The following LINGO2 variants were observed in gnomAD, a reference collection of about 807,000 sequenced individuals.
The protein encoded by LINGO2 is leucine rich repeat and Ig domain containing 2.
LINGO2 carries 14 observed loss-of-function variants against 30.6 expected under a neutral mutation model. The observed-to-expected ratio is 0.46, with a 90% CI of 0.30 to 0.72. The LOEUF (loss-of-function observed/expected upper bound fraction) is 0.72, where lower values mean the gene tolerates loss of function less well. LINGO2 is among the 30% of genes least tolerant of loss of function. The pLI, the probability that LINGO2 is intolerant of heterozygous loss-of-function variation, is 0.07. For synonymous variants in LINGO2, 317 were observed against 288.5 expected (o/e 1.10, Z -1.00); for missense variants, 729 against 751.7 (o/e 0.97, Z 0.35).
At chr9:28,890,379 G>T in the LINGO2 span, among the ~76,000 whole-genome samples, 17 of 151,950 alleles carry the variant, frequency 1.1e-4, no homozygotes, top group Non-Finnish European at 2.1e-4. Flanking sequence ...TTCCTAAATG[G>T]GTACACACTT....
chr9:28,985,928 G>C, the LINGO2 span, among the ~76,000 whole-genome samples: 1 of 152,000 alleles, frequency 6.6e-6, no homozygotes, highest in East Asian at 1.9e-4. Context: ...AATAAAAAAA[G>C]TTACTGCCCA....
chr9:28,201,566 A>T (rs1018775372), intron 4 of LINGO2, among the ~76,000 whole-genome samples: 7 of 150,974 alleles, frequency 4.6e-5, no homozygotes, highest in African/African-American at 1.5e-4. Context: ...TATAGCAGCA[A>T]GATTTATAGT....
At chr9:28,990,498 A>G in the LINGO2 span, among the ~76,000 whole-genome samples, 9 of 152,312 alleles carry the variant, frequency 5.9e-5, no homozygotes, top group South Asian at 1.9e-3. Context: ...CTTTGAAGAG[A>G]GCAGTGGTTC....
chr9:29,053,541 C>A, the LINGO2 span, among the ~76,000 whole-genome samples: 1 of 151,820 alleles, frequency 6.6e-6, no homozygotes, highest in African/African-American at 2.4e-5. Flanking sequence ...TGCACATGTA[C>A]CCTAAAACTT....
chr9:28,144,236 A>G (rs1827752624), intron 4 of LINGO2, among the ~76,000 whole-genome samples: 1 of 152,220 alleles, frequency 6.6e-6, no homozygotes, highest in Admixed American at 6.5e-5. Flanking sequence ...AATGGCATAT[A>G]TAATTTCAAA....
At position 28,433,949 on chromosome 9, in the gene LINGO2, CTATATATA is replaced by C. The variant is rs375073572; in HGVS notation, c.-279+41983_-279+41990del. On this transcript the variant is annotated intron_variant, in intron 2 of 5. Coordinates refer to ENST00000379992, the Ensembl canonical transcript of LINGO2. ...TCTCTCTCTCTCTCTCTCTCTCTCTCTATATATATATATATATACACACACACACATGA... is the reference window on the plus strand; with the variant it reads ...TCTCTCTCTCTCTCTCTCTCTCTCTCTATATATATACACACACACACATGA... Among the ~76,000 whole-genome samples, 6 of 88,478 alleles carry C rather than the reference CTATATATA, an allele frequency of 6.8e-5. 1 individual carries two copies. The highest frequency in any genetic ancestry group is 1.4e-4 in the Admixed American group (1 of 7,172). 58.0% of individuals were successfully genotyped at this position (88,478 alleles called of 152,430 possible).
At chr9:28,815,115 T>C in the LINGO2 span, among the ~76,000 whole-genome samples, 1 of 152,192 alleles carries the variant, frequency 6.6e-6, no homozygotes, top group African/African-American at 2.4e-5. Context: ...ATTTATTCCC[T>C]AGGGAAAGCC....
chr9:28,308,379 T>C (rs1824459454), intron 3 of LINGO2, among the ~76,000 whole-genome samples: 1 of 136,874 alleles, frequency 7.3e-6, no homozygotes, highest in Non-Finnish European at 1.6e-5. Flanking sequence ...GCTAGCCATA[T>C]GTAGAAAGCT....
chr9:28,709,346 A>G, the LINGO2 span, among the ~76,000 whole-genome samples: 1 of 152,074 alleles, frequency 6.6e-6, no homozygotes, highest in Non-Finnish European at 1.5e-5. Context: ...TGCAAAGTTG[A>G]GAAATCCAGT....
At chr9:28,815,612 T>C in the LINGO2 span, among the ~76,000 whole-genome samples, 2 of 152,172 alleles carry the variant, frequency 1.3e-5, no homozygotes, top group Admixed American at 1.3e-4. Context: ...GAAAGATCTT[T>C]TACTATTTCT....
At chr9:28,324,627 T>C (rs1393153226) in intron 3 of LINGO2, among the ~76,000 whole-genome samples, 7 of 152,164 alleles carry the variant, frequency 4.6e-5, no homozygotes, top group Admixed American at 4.6e-4. Flanking sequence ...ATTAGCATGC[T>C]GAAAGATACT....
intron 1 of LINGO2, among the ~76,000 whole-genome samples, chr9:28,565,348 C>T (rs990244798): frequency 6.6e-6 from 1 of 151,196 alleles, no homozygotes; most frequent in African/African-American, 2.4e-5. Flanking sequence ...CCACCACGCC[C>T]GGGTAATTTT....
At chr9:29,018,263 A>G in the LINGO2 span, among the ~76,000 whole-genome samples, 1 of 151,574 alleles carries the variant, frequency 6.6e-6, no homozygotes, top group African/African-American at 2.4e-5. Flanking sequence ...ATAGACATAA[A>G]GATTAAAATA....
chr9:28,959,440 T>G, the LINGO2 span, among the ~76,000 whole-genome samples: 2 of 144,462 alleles, frequency 1.4e-5, no homozygotes, highest in East Asian at 2.0e-4. Flanking sequence ...AGGAGAGGAG[T>G]AAATTAAAGG....
chr9:28,744,081 C>T, the LINGO2 span, among the ~76,000 whole-genome samples: 1 of 149,212 alleles, frequency 6.7e-6, no homozygotes, highest in Non-Finnish European at 1.5e-5. Context: ...CTCAAATCTA[C>T]TCTTGAACTC....
chr9:28,424,995 A>G (rs1489258841), intron 2 of LINGO2, among the ~76,000 whole-genome samples: 1 of 152,050 alleles, frequency 6.6e-6, no homozygotes, highest in Non-Finnish European at 1.5e-5. Flanking sequence ...TATAGTGAGG[A>G]CCAAATAATA....
At chr9:28,483,163 T>A (rs1045625642) in intron 1 of LINGO2, among the ~76,000 whole-genome samples, 2 of 152,114 alleles carry the variant, frequency 1.3e-5, no homozygotes, top group Non-Finnish European at 2.9e-5. Flanking sequence ...CAACTTTTGT[T>A]AGCATTCAGA....
At chr9:29,177,090 G>C in the LINGO2 span, among the ~76,000 whole-genome samples, 2 of 152,148 alleles carry the variant, frequency 1.3e-5, no homozygotes, top group African/African-American at 4.8e-5. Flanking sequence ...TAAAGTATAG[G>C]TCAGCAAGTC....
At chr9:29,159,594 T>C in the LINGO2 span, among the ~76,000 whole-genome samples, 1 of 152,096 alleles carries the variant, frequency 6.6e-6, no homozygotes, top group Non-Finnish European at 1.5e-5. Context: ...CGGTGGCTCA[T>C]GCCTGTAATC....
Sources: gnomAD v4.1 joint callset for allele counts (sites outside exome capture counted in the v4.1 genomes callset) on GRCh38, gnomAD v4.1.1 for gene constraint, MANE v1.5 for transcripts, NCBI Gene and HGNC (gene_info 2026-07-23, HGNC 2026-07-21) for gene names.